The following TENM3 variants were observed in gnomAD, a reference collection of about 807,000 sequenced individuals.
TENM3 encodes the protein teneurin transmembrane protein 3.
A neutral mutation model predicts 255.1 loss-of-function variants in TENM3; 63 were observed. The ratio of observed to expected loss-of-function variants is 0.25; its 90% CI spans 0.20 to 0.30. The LOEUF (loss-of-function observed/expected upper bound fraction) is 0.30, where lower values mean the gene tolerates loss of function less well. Ranked by LOEUF, TENM3 falls within the 10% of genes least tolerant of loss-of-function variation. TENM3 has a pLI of 1.00. For missense variants in TENM3, 2,929 were observed against 3,461.1 expected (o/e 0.85, Z 3.86); for synonymous variants, 1,306 against 1,322.3 (o/e 0.99, Z 0.27).
the TENM3 span, among the ~76,000 whole-genome samples, chr4:181,530,209 G>A: frequency 2.0e-5 from 3 of 152,316 alleles, no homozygotes; most frequent in South Asian, 6.2e-4. Flanking sequence ...AGTCAGGACA[G>A]TGAGATGCTT....
At chr4:181,759,576 C>A in the TENM3 span, among the ~76,000 whole-genome samples, 3 of 151,884 alleles carry the variant, frequency 2.0e-5, no homozygotes, top group Non-Finnish European at 4.4e-5. Context: ...TTGCACCAAG[C>A]AATATAGCCA....
the TENM3 span, among the ~76,000 whole-genome samples, chr4:181,929,232 G>T: frequency 5.9e-5 from 9 of 152,144 alleles, no homozygotes; most frequent in African/African-American, 2.2e-4. Context: ...ACACAGACTG[G>T]CAAATTGAAT....
intron 2 of TENM3, among the ~76,000 whole-genome samples, chr4:182,343,662 AC>A (rs1554052675): frequency 1.1e-5 from 1 of 89,602 alleles, no homozygotes. Context: ...CCTCCTCCAC[AC>A]CGCTTGTCGC....
At chr4:182,064,537 C>G in the TENM3 span, among the ~76,000 whole-genome samples, 1 of 151,854 alleles carries the variant, frequency 6.6e-6, no homozygotes, top group Admixed American at 6.6e-5. Context: ...GAGCCGAGAT[C>G]GCACCACTGC....
intron 1 of TENM3, among the ~76,000 whole-genome samples, chr4:182,157,047 A>G (rs1343140914): frequency 3.9e-5 from 6 of 152,228 alleles, no homozygotes; most frequent in African/African-American, 7.2e-5. Flanking sequence ...TTGAAATGCC[A>G]GAGAACTGAA....
chr4:182,189,727 A>T (rs1167838863), intron 1 of TENM3, among the ~76,000 whole-genome samples: 1 of 152,064 alleles, frequency 6.6e-6, no homozygotes, highest in Non-Finnish European at 1.5e-5. Context: ...ATAAATCAGT[A>T]GGCGTGTGGG....
the TENM3 span, among the ~76,000 whole-genome samples, chr4:181,768,524 A>G: frequency 5.3e-5 from 8 of 152,248 alleles, no homozygotes; most frequent in Non-Finnish European, 5.9e-5. Flanking sequence ...TTCAACAATA[A>G]AGTCTTTCTG....
chr4:181,775,688 G>A, the TENM3 span, among the ~76,000 whole-genome samples: 3 of 152,148 alleles, frequency 2.0e-5, no homozygotes, highest in Non-Finnish European at 4.4e-5. Flanking sequence ...GGTTTAGAAT[G>A]TCTTCATTTG....
intron 5 of TENM3, among the ~76,000 whole-genome samples, chr4:182,642,959 T>A (rs1402762254): frequency 6.6e-6 from 1 of 152,190 alleles, no homozygotes; most frequent in Non-Finnish European, 1.5e-5. Flanking sequence ...GCCAAAATAT[T>A]GCCCAACACA....
the TENM3 span, among the ~76,000 whole-genome samples, chr4:181,718,580 C>G: frequency 6.6e-6 from 1 of 152,152 alleles, no homozygotes; most frequent in East Asian, 1.9e-4. Flanking sequence ...AGAATGAATC[C>G]AAGCTTACCA....
chr4:182,721,520 A>G (rs1035997968), intron 13 of TENM3, among the ~76,000 whole-genome samples: 1 of 152,102 alleles, frequency 6.6e-6, no homozygotes, highest in Admixed American at 6.5e-5. Flanking sequence ...TATAGAGACA[A>G]ATCTGTAGCG....
chr4:182,005,973 C>T, the TENM3 span, among the ~76,000 whole-genome samples: 2 of 152,104 alleles, frequency 1.3e-5, no homozygotes, highest in Middle Eastern at 3.2e-3. Context: ...TGGGCTGAGA[C>T]AATGGGGTTT....
chr4:182,705,333 C>G (rs1758193500), intron 12 of TENM3, among the ~76,000 whole-genome samples: 1 of 152,200 alleles, frequency 6.6e-6, no homozygotes. Context: ...AATCTGCCCT[C>G]TACTCCAAGG....
chr4:181,612,833 A>G, the TENM3 span, among the ~76,000 whole-genome samples: 2 of 152,198 alleles, frequency 1.3e-5, no homozygotes, highest in African/African-American at 4.8e-5. Context: ...ATATTATGTG[A>G]TGAGAAAAAC....
chr4:182,644,131 G>A (rs1374870746), intron 5 of TENM3, among the ~76,000 whole-genome samples: 1 of 152,144 alleles, frequency 6.6e-6, no homozygotes, highest in Non-Finnish European at 1.5e-5. Context: ...CTGGGTGCTC[G>A]GGTCTGTGTT....
the TENM3 span, among the ~76,000 whole-genome samples, chr4:181,893,486 T>G: frequency 7.0e-4 from 8 of 11,370 alleles, no homozygotes; most frequent in East Asian, 7.5e-3. Flanking sequence ...CACTTTCCCC[T>G]GCCCACCCCC....
At chr4:182,495,315 A>G (rs75483742) in intron 3 of TENM3, among the ~76,000 whole-genome samples, 5,612 of 152,194 alleles carry the variant, frequency 0.037, 188 homozygotes, top group Admixed American at 0.063. Context: ...TGCTGTGAAC[A>G]TGGTTATTTG....
intron 3 of TENM3, among the ~76,000 whole-genome samples, chr4:182,447,309 C>T (rs952756411): frequency 1.3e-5 from 2 of 150,674 alleles, no homozygotes; most frequent in Non-Finnish European, 2.9e-5. Flanking sequence ...ACTGCTTAAA[C>T]CCTGAGCGGC....
chr4:182,222,745 C>CT (rs1422974129), intron 1 of TENM3, among the ~76,000 whole-genome samples: 3 of 152,050 alleles, frequency 2.0e-5, no homozygotes, highest in Non-Finnish European at 4.4e-5. Context: ...GTGATTTATT[C>CT]TTTTTTATTA....
Sources: allele counts gnomAD v4.1 joint callset (sites outside exome capture counted in the v4.1 genomes callset), GRCh38; gene constraint gnomAD v4.1.1; transcripts MANE v1.5; gene names NCBI Gene and HGNC (gene_info 2026-07-23, HGNC 2026-07-21).